Variants in CASP4 observed in about 807,000 individuals in gnomAD.
The protein encoded by CASP4 is caspase-4.
In CASP4, 29 loss-of-function variants were observed where a neutral mutation model predicts 41.3. That is an observed-to-expected ratio of 0.70 (90% CI 0.52 to 0.96). CASP4 has a LOEUF of 0.96. CASP4 is among the 40% of genes least tolerant of loss of function. The probability of loss-of-function intolerance (pLI) is 0.00; values close to 1 mark genes in which losing one functional copy is unlikely to be tolerated. For synonymous variants in CASP4, 185 were observed against 158.4 expected (o/e 1.17, Z -1.26); for missense variants, 447 against 460.6 (o/e 0.97, Z 0.27).
intron 2 of CASP4, among the ~76,000 whole-genome samples, chr11:104,954,441 AG>A (rs1410483520): frequency 6.6e-6 from 1 of 152,186 alleles, no homozygotes; most frequent in Non-Finnish European, 1.5e-5. Context: ...AGCAACTTAC[AG>A]GATGTCACAT....
chr11:104,948,214 G>A, intron 6 of CASP4: 1 of 175,316 alleles, frequency 5.7e-6, no homozygotes, highest in Non-Finnish European at 1.2e-5. Context: ...GTGAAATATG[G>A]AAAGAAGACT....
At chr11:104,960,713 A>G (rs1860839263) in intron 1 of CASP4, among the ~76,000 whole-genome samples, 1 of 151,954 alleles carries the variant, frequency 6.6e-6, no homozygotes. Context: ...CAGGTGATCC[A>G]CCCATCTTGG....
chr11:104,948,051 G>A (rs190968820), intron 6 of CASP4: 8 of 152,182 alleles, frequency 5.3e-5, no homozygotes, highest in South Asian at 2.1e-4. Context: ...TTAAATGTAC[G>A]CTCCTTAAGA....
At chr11:104,950,291 C>T (rs1253850629) in intron 4 of CASP4, among the ~76,000 whole-genome samples, 4 of 152,118 alleles carry the variant, frequency 2.6e-5, no homozygotes, top group East Asian at 1.9e-4. Flanking sequence ...ACTTTGAAGG[C>T]GCTGCATTCA....
chr11:104,968,026 A>G lies in CASP4; in HGVS notation c.7+493T>C, dbSNP rs56275414. 1.1e-3 allele frequency among the ~76,000 whole-genome samples: 164 copies of G among 152,280 alleles called. 1 individual carries two copies. Among genetic ancestry groups the G allele is most frequent in the Admixed American group, 3.7e-3 (57 of 15,294 alleles). ...ATTAACCCATGAAATATTATATTAA[A>G]GTAGTCAGTATCAGGACCAACGAGA... On this transcript the variant is annotated intron_variant, in intron 1 of 8. Coordinates refer to ENST00000444739, the MANE Select transcript of CASP4 (RefSeq NM_001225.4).
intron 7 of CASP4, among the ~76,000 whole-genome samples, chr11:104,945,704 G>C (rs1860441759): frequency 6.6e-6 from 1 of 152,030 alleles, no homozygotes; most frequent in Non-Finnish European, 1.5e-5. Flanking sequence ...GAACATCCTT[G>C]AAAGTACAAT....
rs907652934 is a variant in CASP4, at chr11:104,951,285, A to G, written c.373-187T>C. ...ACCGGACATATCTGAAATTGTTATTAAGAATCTTGAGGAAACTAGATAATT... is the reference window on the plus strand; with the variant it reads ...ACCGGACATATCTGAAATTGTTATTGAGAATCTTGAGGAAACTAGATAATT... On this transcript the variant is annotated intron_variant, in intron 3 of 8. Transcript: ENST00000444739. 6.4e-6 allele frequency: 3 copies of G among 466,128 alleles called. No homozygotes were observed. In the Admixed American group the frequency reaches 1.1e-4, roughly 18 times the overall value. The allele number at this position is 466,128 out of a possible 1,614,324, so 28.9% of individuals were successfully genotyped here. A position where few individuals can be genotyped will look rare whatever the true frequency, so the allele number is the denominator to read the frequency against.
chr11:104,957,063 C>A (rs960819912), intron 1 of CASP4, among the ~76,000 whole-genome samples: 1 of 151,900 alleles, frequency 6.6e-6, no homozygotes, highest in Non-Finnish European at 1.5e-5. Context: ...CAGAGCAATT[C>A]GCCAACAAAA....
chr11:104,961,508 G>A (rs1039975935), intron 1 of CASP4, among the ~76,000 whole-genome samples: 5 of 152,168 alleles, frequency 3.3e-5, no homozygotes, highest in South Asian at 2.1e-4. Context: ...CCCCATTGCA[G>A]GGTGTCTGTA....
At chr11:104,958,053 T>G (rs1860774500) in intron 1 of CASP4, among the ~76,000 whole-genome samples, 1 of 152,092 alleles carries the variant, frequency 6.6e-6, no homozygotes, top group Non-Finnish European at 1.5e-5. Flanking sequence ...AAGAACAAAT[T>G]CTTCAATAAA....
Position 104,947,171 on chromosome 11 carries a change from CTG to C in CASP4, c.945_946del (p.Asp315GlufsTer36), listed in dbSNP as rs1860485565. On this transcript the variant is annotated frameshift_variant, in exon 7 of 9. Coordinates refer to ENST00000444739, the MANE Select transcript of CASP4 (RefSeq NM_001225.4). LOFTEE classifies it high-confidence loss of function. ...TGTGATGAAGATAGAGCCCATTGTGCTGTCTCTCCAGGACACGTTGTCTATAA... is the reference window on the plus strand; with the variant it reads ...TGTGATGAAGATAGAGCCCATTGTGCTCTCTCCAGGACACGTTGTCTATAA... The C allele has an allele frequency of 3.7e-6, 6 of 1,610,830 alleles. No homozygotes were observed. The highest frequency in any genetic ancestry group is 5.1e-6 in the Non-Finnish European group (6 of 1,177,466).
At chr11:104,949,823 T>G (rs150946133) in intron 4 of CASP4, 46 bp from the exon 5 acceptor site, 1,039 of 1,560,728 alleles carry the variant, frequency 6.7e-4, no homozygotes, top group Non-Finnish European at 8.7e-4. Context: ...GCATCACAAT[T>G]AAAGGGGACT....
At position 104,948,681 on chromosome 11, in the gene CASP4, G is replaced by A. The variant is rs774921112; in HGVS notation, c.782-5C>T. On this transcript the variant is annotated splice_polypyrimidine_tract_variant and splice_region_variant and intron_variant, in intron 5 of 8. Coordinates refer to ENST00000444739, the MANE Select transcript of CASP4 (RefSeq NM_001225.4). ...CCCACAGTTCCCCACGGTTTGCTAT[G>A]GAGACATTAACTTTCTGCACACTGC... The A allele has an allele frequency of 1.3e-6, 2 of 1,586,414 alleles. No individual in the cohort carries two copies. Among genetic ancestry groups the A allele is most frequent in the Admixed American group, 1.7e-5 (1 of 58,232 alleles).
At chr11:104,950,822 A>ACACACACACACC (rs112827503) in intron 4 of CASP4, 103 bp downstream of exon 4, 38 of 1,022,894 alleles carry the variant, frequency 3.7e-5, no homozygotes, top group East Asian at 1.2e-4. Flanking sequence ...ACACACACAC[A>ACACACACACACC]CCCAAAGGTT....
intron 1 of CASP4, among the ~76,000 whole-genome samples, chr11:104,961,229 C>A (rs769232635): frequency 2.0e-5 from 3 of 152,198 alleles, no homozygotes; most frequent in South Asian, 2.1e-4. Flanking sequence ...TTAATTGCAA[C>A]GGAGAAATAA....
chr11:104,951,842 G>C, intron 3 of CASP4, 54 bp downstream of exon 3: 1 of 1,199,746 alleles, frequency 8.3e-7, no homozygotes, highest in African/African-American at 1.5e-5. Context: ...GTGCACTGAA[G>C]GAAAGCAATG....
chr11:104,962,668 G>C (rs374568335), intron 1 of CASP4, among the ~76,000 whole-genome samples: 1 of 152,170 alleles, frequency 6.6e-6, no homozygotes, highest in South Asian at 2.1e-4. Context: ...ACTTCCTTTT[G>C]GTTTATACCA....
chr11:104,944,577 G>A (rs1591123764), intron 8 of CASP4, 171 bp downstream of exon 8: 1 of 541,610 alleles, frequency 1.8e-6, no homozygotes, highest in South Asian at 2.4e-5. Flanking sequence ...AGAGTTGGAG[G>A]AATCCAAATA....
intron 7 of CASP4, among the ~76,000 whole-genome samples, chr11:104,945,293 C>T (rs618197): frequency 0.6 from 89,169 of 149,786 alleles, 28,781 homozygotes; most frequent in East Asian, 0.81. Flanking sequence ...TGCACTGTTG[C>T]CTAGGCTGGA....
Sources: gnomAD v4.1 joint callset for allele counts (sites outside exome capture counted in the v4.1 genomes callset) on GRCh38, gnomAD v4.1.1 for gene constraint, MANE v1.5 for transcripts, NCBI Gene and HGNC (gene_info 2026-07-23, HGNC 2026-07-21) for gene names.